The following PLEKHG3 variants were observed in gnomAD, a reference collection of about 807,000 sequenced individuals.
PLEKHG3 encodes the protein pleckstrin homology and RhoGEF domain containing G3, also known as pleckstrin homology domain-containing family G member 3.
A neutral mutation model predicts 94.9 loss-of-function variants in PLEKHG3; 62 were observed. The observed-to-expected ratio is 0.65, with a 90% CI of 0.53 to 0.81. The LOEUF (loss-of-function observed/expected upper bound fraction) is 0.81, where lower values mean the gene tolerates loss of function less well. Ranked by LOEUF, PLEKHG3 falls within the 30% of genes least tolerant of loss-of-function variation. The pLI, the probability that PLEKHG3 is intolerant of heterozygous loss-of-function variation, is 0.00. For missense variants in PLEKHG3, 1,461 were observed against 1,619.3 expected, an observed-to-expected ratio of 0.90 and a Z score of 1.68; for synonymous variants, 614 against 654.0, an observed-to-expected ratio of 0.94 and a Z score of 0.93.
In PLEKHG3 at chr14:64,730,741, C is replaced by T. The variant is rs1391853553; in HGVS notation, c.566+53C>T. 5.0e-6 allele frequency: 8 copies of T among 1,612,298 alleles called. No homozygotes were observed. The East Asian group carries it at 1.8e-4, about 36-fold the overall frequency. On this transcript the variant is annotated intron_variant, in intron 5 of 16. Transcript: ENST00000247226. The surrounding 1 kb of genome is among the most constrained non-coding windows in gnomAD (Gnocchi z 5.4). The stretch of plus-strand genomic sequence containing the variant: ...AGAGCCATTTGGTGAGTCCAGAGCC[C>T]CCCACTTCCTCATCCAGGCCTTCCC...
At position 64,749,356 on chromosome 14, in the gene PLEKHG3, C is replaced by A; in HGVS notation, c.*5653C>A. ...AATCTCTTCTCCTTGTCTTTCTTGC[C>A]GAGGCTGGCGTCGGGGCCGGAGAGG... On this transcript the variant is annotated 3_prime_UTR_variant, in exon 17 of 17. Coordinates refer to ENST00000247226, the MANE Select transcript of PLEKHG3 (RefSeq NM_001308147.2). The surrounding 1 kb of genome is among the most constrained non-coding windows in gnomAD (Gnocchi z 4.7). The A allele has an allele frequency of 6.2e-7, 1 of 1,610,546 alleles. No individual in the cohort carries two copies. The highest frequency in any genetic ancestry group is 8.5e-7 in the Non-Finnish European group (1 of 1,179,596).
chr14:64,707,878 GGA>G lies in PLEKHG3; in HGVS notation c.-40+3176_-40+3177del, dbSNP rs772121745. The stretch of plus-strand genomic sequence containing the variant: ...TTGAGCTGTGTTTCTTACCCAACGT[GGA>G]GTTAGTCATCATACTTACCACATGC... On this transcript the variant is annotated intron_variant, in intron 1 of 16. Transcript: ENST00000247226. Among the ~76,000 whole-genome samples the G allele has an allele frequency of 5.9e-5, 9 of 152,320 alleles. 1 individual carries two copies. Among genetic ancestry groups the G allele is most frequent in the Admixed American group, 5.2e-4 (8 of 15,304 alleles).
At chr14:64,742,563 A>C in intron 16 of PLEKHG3, 108 bp downstream of exon 16, 1 of 821,040 alleles carries the variant, frequency 1.2e-6, no homozygotes, top group Non-Finnish European at 1.9e-6. Flanking sequence ...GGCTCTACCA[A>C]AGGGAGAAGC....
rs2081238543 is a variant in PLEKHG3 at position 64,720,194 on chromosome 14, G to A, written c.-39-7399G>A. Among the ~76,000 whole-genome samples, 1 of 152,210 alleles carries A rather than the reference G, an allele frequency of 6.6e-6. No individual in the cohort carries two copies. Among genetic ancestry groups the A allele is most frequent in the African/African-American group, 2.4e-5 (1 of 41,458 alleles). Reference sequence around the variant, plus strand: ...CATCACAGCCCCTTTTCTAAACTTGGCTACTTTCCCCTTCCTCCCAGTCTC... The same window carrying A: ...CATCACAGCCCCTTTTCTAAACTTGACTACTTTCCCCTTCCTCCCAGTCTC... On this transcript the variant is annotated intron_variant, in intron 1 of 16. Coordinates refer to ENST00000247226, the MANE Select transcript of PLEKHG3 (RefSeq NM_001308147.2). The surrounding 1 kb of genome is among the most constrained non-coding windows in gnomAD (Gnocchi z 4.1).
chr14:64,712,758 A>G (rs1048599548), intron 1 of PLEKHG3, among the ~76,000 whole-genome samples: 1 of 152,208 alleles, frequency 6.6e-6, no homozygotes, highest in Admixed American at 6.5e-5. Context: ...TTATCTATGA[A>G]TAGAGATTGT....
chr14:64,749,255 C>G lies in PLEKHG3; in HGVS notation c.*5552C>G. ...CGGCGAGAGGAGGCCAAGGCCTGGG[C>G]TGCCCGGTCTCTGCGCGTCCCGACT... is the stretch of plus-strand genomic sequence containing the variant. On this transcript the variant is annotated 3_prime_UTR_variant, in exon 17 of 17. Coordinates refer to ENST00000247226, the MANE Select transcript of PLEKHG3 (RefSeq NM_001308147.2). This position sits in a 1 kb window ranked among gnomAD's most constrained non-coding sequence, Gnocchi z 4.7. 2.0e-6 allele frequency: 3 copies of G among 1,536,608 alleles called. No homozygotes were observed. Among genetic ancestry groups the G allele is most frequent in the Non-Finnish European group, 2.6e-6 (3 of 1,146,168 alleles).
At position 64,749,393 on chromosome 14, in the gene PLEKHG3, C is replaced by T; in HGVS notation, c.*5690C>T. The T allele has an allele frequency of 6.2e-7, 1 of 1,609,566 alleles. No individual in the cohort carries two copies. The highest frequency in any genetic ancestry group is 8.5e-7 in the Non-Finnish European group (1 of 1,179,782). ...CGGGGCCGGAGAGGGAAGGCAGGGG[C>T]AGGCTCTGCGCCTTGACGCGGATGC... On this transcript the variant is annotated 3_prime_UTR_variant, in exon 17 of 17. Transcript: ENST00000247226. This position sits in a 1 kb window ranked among gnomAD's most constrained non-coding sequence, Gnocchi z 4.7.
chr14:64,722,084 G>A lies in PLEKHG3; in HGVS notation c.-39-5509G>A, dbSNP rs116421862. On this transcript the variant is annotated intron_variant, in intron 1 of 16. Coordinates refer to ENST00000247226, the MANE Select transcript of PLEKHG3 (RefSeq NM_001308147.2). The surrounding 1 kb of genome is among the most constrained non-coding windows in gnomAD (Gnocchi z 4.3). Reference sequence around the variant, plus strand: ...CCGTCTTGGGGATTGTTTGGGGGAAGGACAAAAGCCGCTGGGCCACCCTGG... The same window carrying A: ...CCGTCTTGGGGATTGTTTGGGGGAAAGACAAAAGCCGCTGGGCCACCCTGG... 5.1e-3 allele frequency among the ~76,000 whole-genome samples: 781 copies of A among 152,324 alleles called. 9 individuals are homozygous for A. The highest frequency in any genetic ancestry group is 0.018 in the African/African-American group (746 of 41,572).
chr14:64,749,906 C>CAG lies in PLEKHG3; in HGVS notation c.*6206_*6207dup. On this transcript the variant is annotated 3_prime_UTR_variant, in exon 17 of 17. Coordinates refer to ENST00000247226, the MANE Select transcript of PLEKHG3 (RefSeq NM_001308147.2). The surrounding 1 kb of genome is among the most constrained non-coding windows in gnomAD (Gnocchi z 4.7). ...GCTCAGGCCTGGCACTGGTCCCCTA[C>CAG]AGAGGGCCTCTGCCCTGCCACTAAT... The CAG allele has an allele frequency of 6.3e-7, 1 of 1,594,612 alleles. No individual in the cohort carries two copies. Among genetic ancestry groups the CAG allele is most frequent in the Non-Finnish European group, 8.6e-7 (1 of 1,162,658 alleles).
rs1304560348 is a variant in PLEKHG3, at chr14:64,738,055, AC to A, written c.1404+681del. On this transcript the variant is annotated intron_variant, in intron 14 of 16. Coordinates refer to ENST00000247226, the MANE Select transcript of PLEKHG3 (RefSeq NM_001308147.2). The surrounding 1 kb of genome is among the most constrained non-coding windows in gnomAD (Gnocchi z 4.8). ...GAGGACCTGACAGGGCATGAAGGCAACGAGAAGGGGGCTGGGCCGGAGCCCC... is the reference window on the plus strand; with the variant it reads ...GAGGACCTGACAGGGCATGAAGGCAAGAGAAGGGGGCTGGGCCGGAGCCCC... 26 of 1,297,244 alleles carry A rather than the reference AC, an allele frequency of 2.0e-5. No homozygotes were observed. Among genetic ancestry groups the A allele is most frequent in the Non-Finnish European group, 2.6e-5 (26 of 993,610 alleles). 80.4% of individuals were successfully genotyped at this position (1,297,244 alleles called of 1,614,324 possible).
intron 1 of PLEKHG3, among the ~76,000 whole-genome samples, chr14:64,707,776 T>C (rs1352790043): frequency 6.6e-6 from 1 of 152,202 alleles, no homozygotes; most frequent in African/African-American, 2.4e-5. Flanking sequence ...GAGTTTGGAG[T>C]TGGACACACC....
rs538524040 is a variant in PLEKHG3 at position 64,728,812 on chromosome 14, T to A, written c.352-184T>A. Among the ~76,000 whole-genome samples the A allele has an allele frequency of 1.3e-5, 2 of 152,314 alleles. No homozygotes were observed. Among genetic ancestry groups the A allele is most frequent in the East Asian group, 3.9e-4 (2 of 5,180 alleles). On this transcript the variant is annotated intron_variant, in intron 2 of 16. Transcript: ENST00000247226. The surrounding 1 kb of genome is among the most constrained non-coding windows in gnomAD (Gnocchi z 5.9). The stretch of plus-strand genomic sequence containing the variant: ...TTAACTAATGGCATCCACAAAGACC[T>A]TATTTCCAAATAAAGTCACATTCTG...
intron 16 of PLEKHG3, 90 bp from the exon 17 acceptor site, chr14:64,742,892 C>A: frequency 3.8e-6 from 5 of 1,300,264 alleles, no homozygotes; most frequent in Non-Finnish European, 5.5e-6. Flanking sequence ...CCAGCCTTGC[C>A]TGGAAAGTGA....
chr14:64,706,757 A>G (rs1350954283), intron 1 of PLEKHG3, among the ~76,000 whole-genome samples: 4 of 152,250 alleles, frequency 2.6e-5, no homozygotes, highest in Non-Finnish European at 5.9e-5. Flanking sequence ...GAAGAGGCCA[A>G]AGGCCACGGC....
chr14:64,736,719 G>T (rs1430264799), intron 12 of PLEKHG3, 134 bp from the exon 13 acceptor site: 3 of 736,520 alleles, frequency 4.1e-6, no homozygotes, highest in East Asian at 2.5e-5. Flanking sequence ...CTTCCCTGGG[G>T]CCTATGACTG....
chr14:64,724,445 C>T (rs1386924760), intron 1 of PLEKHG3, among the ~76,000 whole-genome samples: 1 of 152,126 alleles, frequency 6.6e-6, no homozygotes, highest in African/African-American at 2.4e-5. Flanking sequence ...CACTACAGGG[C>T]TTCTCTCGTC....
rs1446622479 is a variant in PLEKHG3, at chr14:64,718,827, G to A, written c.-39-8766G>A. 1.3e-5 allele frequency among the ~76,000 whole-genome samples: 2 copies of A among 152,122 alleles called. No individual in the cohort carries two copies. The highest frequency in any genetic ancestry group is 2.4e-5 in the African/African-American group (1 of 41,410). On this transcript the variant is annotated intron_variant, in intron 1 of 16. Transcript: ENST00000247226. The surrounding 1 kb of genome is among the most constrained non-coding windows in gnomAD (Gnocchi z 5.0). ...TCCCAGATGTCTACCCTGCAGATGG[G>A]TTTAAAACCCACGGACCAGTGTCAA...
chr14:64,739,249 T>C lies in PLEKHG3; in HGVS notation c.1518+394T>C, dbSNP rs561228026. On this transcript the variant is annotated intron_variant, in intron 15 of 16. Transcript: ENST00000247226. This position sits in a 1 kb window ranked among gnomAD's most constrained non-coding sequence, Gnocchi z 4.1. ...CTGGGCAAAGGGTAGAGAACTGATATCTGTTGGACACCTCCTCTGTAACTG... is the reference window on the plus strand; with the variant it reads ...CTGGGCAAAGGGTAGAGAACTGATACCTGTTGGACACCTCCTCTGTAACTG... Among the ~76,000 whole-genome samples, 17 of 152,294 alleles carry C rather than the reference T, an allele frequency of 1.1e-4. No homozygotes were observed. Among genetic ancestry groups the C allele is most frequent in the African/African-American group, 3.6e-4 (15 of 41,568 alleles).
rs2081827694 is a variant in PLEKHG3 at position 64,745,911 on chromosome 14, T to G, written c.*2208T>G. ...GGGGAGCCTTCTGGAAACGCAGTGC[T>G]TACATTCCATCTCCCTAGACCAACA... On this transcript the variant is annotated 3_prime_UTR_variant, in exon 17 of 17. Transcript: ENST00000247226. This position sits in a 1 kb window ranked among gnomAD's most constrained non-coding sequence, Gnocchi z 5.0. 1 of 152,180 alleles carries G rather than the reference T, an allele frequency of 6.6e-6. No individual in the cohort carries two copies. The highest frequency in any genetic ancestry group is 1.5e-5 in the Non-Finnish European group (1 of 68,034). 9.4% of individuals were successfully genotyped at this position (152,180 alleles called of 1,614,324 possible).
Sources: gnomAD v4.1 joint callset for allele counts (sites outside exome capture counted in the v4.1 genomes callset) on GRCh38, gnomAD v4.1.1 for gene constraint, Gnocchi (gnomAD v3.1) non-coding constraint, MANE v1.5 for transcripts, NCBI Gene and HGNC (gene_info 2026-07-23, HGNC 2026-07-21) for gene names.